VAV1: variants seen among roughly 807,000 people sequenced by gnomAD.
VAV1 encodes proto-oncogene vav.
In VAV1, 33 loss-of-function variants were observed where a neutral mutation model predicts 128.1. The observed-to-expected ratio is 0.26, with a 90% CI of 0.20 to 0.34. The LOEUF is 0.34. Ranked by LOEUF, VAV1 falls within the 10% of genes least tolerant of loss-of-function variation. The pLI is 1.00. For synonymous variants in VAV1, 394 were observed against 409.8 expected (o/e 0.96, Z 0.47); for missense variants, 715 against 1,093.7 (o/e 0.65, Z 4.88).
chr19:6,840,062 CCAT>C (rs1186142990), intron 21 of VAV1, among the ~76,000 whole-genome samples: 1 of 152,156 alleles, frequency 6.6e-6, no homozygotes, highest in Non-Finnish European at 1.5e-5. Flanking sequence ...ACCATCACCA[CCAT>C]CATCTCCAGA....
At position 6,780,667 on chromosome 19, in the gene VAV1, G is replaced by A. The variant is rs749003491; in HGVS notation, c.204+7656G>A. ...GCTCACTGGAACCTCCACCTCCTGG[G>A]TTCAAGAGATTCTCCTGCCTCAGCC... On this transcript the variant is annotated intron_variant, in intron 1 of 26. Coordinates refer to ENST00000602142, the MANE Select transcript of VAV1 (RefSeq NM_005428.4). Among the ~76,000 whole-genome samples the A allele has an allele frequency of 2.7e-5, 4 of 148,520 alleles. 1 individual carries two copies. Among genetic ancestry groups the A allele is most frequent in the Non-Finnish European group, 4.5e-5 (3 of 66,662 alleles).
chr19:6,794,031 C>T (rs2617813), intron 1 of VAV1, among the ~76,000 whole-genome samples: 3,285 of 98,694 alleles, frequency 0.033, 158 homozygotes, highest in African/African-American at 0.05. Flanking sequence ...TACCAATAAA[C>T]CAACGGTAAA....
At position 6,844,063 on chromosome 19, in the gene VAV1, C is replaced by CTTTTTTTTTTTTTT. The variant is rs71177123; in HGVS notation, c.2012+925_2012+938dup. On this transcript the variant is annotated intron_variant, in intron 22 of 26. Transcript: ENST00000602142. ...ACTTTCTTCTTTTCTTCTTCTTCTT[C>CTTTTTTTTTTTTTT]TTTTTTTTTTTTTTTTTTTTTTTTT... Among the ~76,000 whole-genome samples the CTTTTTTTTTTTTTT allele has an allele frequency of 2.0e-3, 42 of 21,328 alleles. 13 individuals carry two copies. Among genetic ancestry groups the CTTTTTTTTTTTTTT allele is most frequent in the African/African-American group, 2.3e-3 (19 of 8,152 alleles). 14.0% of individuals were successfully genotyped at this position (21,328 alleles called of 152,430 possible). A position where few individuals can be genotyped will look rare whatever the true frequency, so the allele number is the denominator to read the frequency against.
chr19:6,776,237 TATCCATCCATCC>T (rs1186230050), intron 1 of VAV1, among the ~76,000 whole-genome samples: 3 of 107,904 alleles, frequency 2.8e-5, no homozygotes, highest in Non-Finnish European at 5.7e-5. Context: ...TCCACTCATC[TATCCATCCATCC>T]ATCCATCCAT....
chr19:6,843,239 A>T, intron 22 of VAV1, 73 bp downstream of exon 22: 1 of 1,540,512 alleles, frequency 6.5e-7, no homozygotes, highest in Non-Finnish European at 9.0e-7. Context: ...TATGGGAGGA[A>T]CCTCCGAGCC....
intron 20 of VAV1, 133 bp from the exon 21 acceptor site, chr19:6,836,852 A>G (rs1455570118): frequency 2.0e-4 from 13 of 64,342 alleles, no homozygotes; most frequent in African/African-American, 3.7e-4. Context: ...ACACACACAC[A>G]CACACACACA....
At chr19:6,832,285 C>G in intron 15 of VAV1, 85 bp downstream of exon 15, 1 of 1,320,426 alleles carries the variant, frequency 7.6e-7, no homozygotes, top group Non-Finnish European at 1.1e-6. Context: ...CTACTCTGTC[C>G]TGACATGCCA....
intron 24 of VAV1, among the ~76,000 whole-genome samples, chr19:6,852,141 A>G (rs1234212573): frequency 6.6e-6 from 1 of 152,158 alleles, no homozygotes; most frequent in Non-Finnish European, 1.5e-5. Context: ...AGCCTCCTGA[A>G]TAGCTGAGAC....
chr19:6,791,732 G>A (rs778894622), intron 1 of VAV1, among the ~76,000 whole-genome samples: 2 of 152,168 alleles, frequency 1.3e-5, no homozygotes, highest in Non-Finnish European at 2.9e-5. Flanking sequence ...TGTAATAAAT[G>A]TCACAGATGA....
intron 4 of VAV1, 71 bp downstream of exon 4, chr19:6,821,930 A>C (rs564196369): frequency 6.3e-7 from 1 of 1,590,244 alleles, no homozygotes; most frequent in East Asian, 2.2e-5. Context: ...GTGGGGGGAC[A>C]TGGCCTTGCC....
rs1972653300 is a variant in VAV1 at position 6,850,748 on chromosome 19, G to A, written c.2208G>A (p.Arg736=). 4.3e-6 allele frequency: 7 copies of A among 1,613,900 alleles called. No individual in the cohort carries two copies. Among genetic ancestry groups the A allele is most frequent in the Non-Finnish European group, 5.9e-6 (7 of 1,179,994 alleles). ...LYRITEKKAF[R]GLTELVEFYQ... ...GGATCACAGAGAAAAAGGCTTTCCG[G>A]GGGCTTACGGTAAGGGTCAATGTCC... The change falls in exon 24 of 27, where the codon CGG becomes CGA. Residue 736 remains arginine, a synonymous_variant. Coordinates refer to ENST00000602142, the MANE Select transcript of VAV1 (RefSeq NM_005428.4).
intron 23 of VAV1, among the ~76,000 whole-genome samples, chr19:6,850,266 A>T (rs1972637622): frequency 9.6e-6 from 1 of 104,086 alleles, no homozygotes. Flanking sequence ...TTGCCAGATG[A>T]GCAGGAGTGG....
At chr19:6,839,872 C>T (rs1014618817) in intron 21 of VAV1, among the ~76,000 whole-genome samples, 16 of 150,902 alleles carry the variant, frequency 1.1e-4, no homozygotes, top group Admixed American at 2.0e-4. Context: ...TTGTATTTTT[C>T]GTAGCGATGG....
chr19:6,796,353 G>T (rs528312787), intron 1 of VAV1, among the ~76,000 whole-genome samples: 1 of 150,926 alleles, frequency 6.6e-6, no homozygotes, highest in Non-Finnish European at 1.5e-5. Flanking sequence ...GGTGCTTGGG[G>T]TGACAGCCAC....
intron 19 of VAV1, among the ~76,000 whole-genome samples, chr19:6,834,160 T>C (rs1972161781): frequency 6.6e-6 from 1 of 151,814 alleles, no homozygotes; most frequent in Admixed American, 6.6e-5. Flanking sequence ...TAATTTTTTT[T>C]TTTTAAATAG....
intron 4 of VAV1, 62 bp downstream of exon 4, chr19:6,821,921 T>TG: frequency 1.3e-6 from 2 of 1,595,622 alleles, no homozygotes; most frequent in Non-Finnish European, 8.6e-7. Context: ...GTGGAGGGTG[T>TG]GGGGGGACAT....
intron 1 of VAV1, among the ~76,000 whole-genome samples, chr19:6,806,419 A>G (rs1360119069): frequency 1.3e-5 from 2 of 152,112 alleles, no homozygotes; most frequent in African/African-American, 4.8e-5. Context: ...TTTTTTCTCA[A>G]TGCCGTTTTG....
rs560036410 is a variant in VAV1 at position 6,807,574 on chromosome 19, G to A, written c.205-13128G>A. Among the ~76,000 whole-genome samples, 54 of 152,152 alleles carry A rather than the reference G, an allele frequency of 3.5e-4. 2 individuals are homozygous for A. In the South Asian group the frequency reaches 0.01, roughly 29 times the overall value. On this transcript the variant is annotated intron_variant, in intron 1 of 26. Transcript: ENST00000602142. ...CCCAGTTCCTAACAGACCATGGACC[G>A]GTACCAGGAGGCTTGTACTGGGAGC... is the stretch of plus-strand genomic sequence containing the variant.
intron 16 of VAV1, 88 bp from the exon 17 acceptor site, chr19:6,833,440 C>G: frequency 7.0e-7 from 1 of 1,436,418 alleles, no homozygotes; most frequent in Non-Finnish European, 9.4e-7. Flanking sequence ...TAAAGAGAAC[C>G]CAAGGGGTCC....
Sources: gnomAD v4.1 joint callset for allele counts (sites outside exome capture counted in the v4.1 genomes callset) on GRCh38, gnomAD v4.1.1 for gene constraint, MANE v1.5 for transcripts, NCBI Gene and HGNC (gene_info 2026-07-23, HGNC 2026-07-21) for gene names.